The following SFXN2 variants were observed in gnomAD, a reference collection of about 807,000 sequenced individuals.
SFXN2 encodes sideroflexin 2.
In SFXN2, 37 loss-of-function variants were observed where a neutral mutation model predicts 41.9. The observed-to-expected ratio is 0.88, with a 90% confidence interval of 0.68 to 1.16. The LOEUF is 1.16. Among genes scored for constraint, SFXN2 ranks in the 50% most tolerant of loss-of-function variants. The pLI, the probability that SFXN2 is intolerant of heterozygous loss-of-function variation, is 0.00. For missense variants in SFXN2, 386 were observed against 425.2 expected (o/e 0.91, Z 0.81); for synonymous variants, 150 against 156.7 (o/e 0.96, Z 0.32).
intron 1 of SFXN2, among the ~76,000 whole-genome samples, chr10:102,717,242 C>CT (rs1437497662): frequency 6.6e-6 from 1 of 150,734 alleles, no homozygotes; most frequent in African/African-American, 2.4e-5. Flanking sequence ...AGCGATCCTC[C>CT]TTCCTCAGCT....
chr10:102,725,555 ACCATTCAC>A (rs1256927517), intron 1 of SFXN2, among the ~76,000 whole-genome samples: 4 of 152,064 alleles, frequency 2.6e-5, no homozygotes, highest in Non-Finnish European at 5.9e-5. Context: ...CCTGTCAATT[ACCATTCAC>A]TCCAGCCTGG....
In SFXN2 at chr10:102,728,531, T is replaced by C. The variant is rs201343097; in HGVS notation, c.431+2T>C. On this transcript the variant is annotated splice_donor_variant, in intron 4 of 11. Transcript: ENST00000369893. LOFTEE classifies it high-confidence loss of function. Reference sequence around the variant, plus strand: ...TGCGGCTTCCCCCACATCAGTCAGGTAGGAGACCTGAACCCCAGGCTGTCC... The same window carrying C: ...TGCGGCTTCCCCCACATCAGTCAGGCAGGAGACCTGAACCCCAGGCTGTCC... The C allele has an allele frequency of 3.9e-5, 63 of 1,613,372 alleles. No homozygotes were observed. The highest frequency in any genetic ancestry group is 5.2e-5 in the Non-Finnish European group (61 of 1,179,546).
At chr10:102,721,491 TTATA>T (rs1405322212) in intron 1 of SFXN2, among the ~76,000 whole-genome samples, 2 of 147,536 alleles carry the variant, frequency 1.4e-5, no homozygotes, top group African/African-American at 5.0e-5. Context: ...TTATTTATGT[TTATA>T]TATTATTTTT....
At chr10:102,717,803 G>A (rs2064439345) in intron 1 of SFXN2, 3 of 985,390 alleles carry the variant, frequency 3.0e-6, no homozygotes, top group Non-Finnish European at 3.6e-6. Flanking sequence ...TATTCTTCGA[G>A]GGCATGTGAA....
intron 1 of SFXN2, among the ~76,000 whole-genome samples, chr10:102,721,794 C>T (rs1284191043): frequency 6.6e-6 from 1 of 152,066 alleles, no homozygotes; most frequent in Admixed American, 6.6e-5. Context: ...GTTAGAGGAA[C>T]TCCATGTTGC....
At chr10:102,730,588 A>G (rs1038774001) in intron 6 of SFXN2, among the ~76,000 whole-genome samples, 1 of 152,156 alleles carries the variant, frequency 6.6e-6, no homozygotes, top group Non-Finnish European at 1.5e-5. Context: ...CCCTTTCCTA[A>G]CAGGAGAATG....
chr10:102,729,315 C>T lies in SFXN2; in HGVS notation c.432-4C>T. The T allele has an allele frequency of 1.9e-6, 3 of 1,614,096 alleles. No individual in the cohort carries two copies. The highest frequency in any genetic ancestry group is 1.1e-5 in the South Asian group (1 of 91,074). ...CACTCCCAAGCATCTCTCTCCTCCCCCAGGCAGATGGCCCTTTCCTACTTC... is the reference window on the plus strand; with the variant it reads ...CACTCCCAAGCATCTCTCTCCTCCCTCAGGCAGATGGCCCTTTCCTACTTC... On this transcript the variant is annotated splice_polypyrimidine_tract_variant and splice_region_variant and intron_variant, in intron 4 of 11. Transcript: ENST00000369893.
chr10:102,732,128 C>T (rs368034782), intron 7 of SFXN2, 24 bp from the exon 8 acceptor site: 1 of 1,608,352 alleles, frequency 6.2e-7, no homozygotes, highest in Non-Finnish European at 8.5e-7. Context: ...TCATTTCTGA[C>T]AACTTACTAT....
Position 102,729,376 on chromosome 10 carries a change from C to T in SFXN2, c.489C>T (p.Gly163=), listed in dbSNP as rs373344496. The part of the protein sequence containing the change: ...ATTTAVATAV[G]MNMLTKKAPP... Reference sequence around the variant, plus strand: ...CCACTGCTGTGGCCACGGCTGTGGGCATGAACATGTTGACAAAGGTATGGT... The same window carrying T: ...CCACTGCTGTGGCCACGGCTGTGGGTATGAACATGTTGACAAAGGTATGGT... Residue 163 remains glycine (G), a synonymous_variant, in exon 5 of 12, where the codon GGC becomes GGT. Coordinates refer to ENST00000369893, the MANE Select transcript of SFXN2 (RefSeq NM_178858.6). 9.3e-6 allele frequency: 15 copies of T among 1,614,112 alleles called. No individual in the cohort carries two copies. The highest frequency in any genetic ancestry group is 1.1e-5 in the Non-Finnish European group (13 of 1,180,026).
rs753294856 is a variant in SFXN2, at chr10:102,734,502, TAGAC to T, written c.821+903_821+906del. 5.3e-5 allele frequency among the ~76,000 whole-genome samples: 8 copies of T among 152,214 alleles called. No individual in the cohort carries two copies. The highest frequency in any genetic ancestry group is 8.8e-5 in the Non-Finnish European group (6 of 68,034). ...TTTTACAAATGAAGAAACTGAGACT[TAGAC>T]AGAGTAAGAAACTTGCCCAAGGGTA... On this transcript the variant is annotated intron_variant, in intron 10 of 11. Transcript: ENST00000369893. The surrounding 1 kb of genome is among the most constrained non-coding windows in gnomAD (Gnocchi z 4.1).
At chr10:102,719,126 T>C (rs2064463838) in intron 1 of SFXN2, among the ~76,000 whole-genome samples, 1 of 151,078 alleles carries the variant, frequency 6.6e-6, no homozygotes, top group South Asian at 2.1e-4. Flanking sequence ...GGTTTCACCA[T>C]GTTAGCCAGG....
intron 5 of SFXN2, 34 bp from the exon 6 acceptor site, chr10:102,729,689 C>G: frequency 1.9e-6 from 3 of 1,609,082 alleles, no homozygotes; most frequent in East Asian, 4.5e-5. Context: ...TCCAGCGCTT[C>G]TGAACAACTC....
Position 102,733,595 on chromosome 10 carries a change from C to T in SFXN2, c.813C>T (p.Ser271=), listed in dbSNP as rs556849381. Residue 271 remains serine (S), a synonymous_variant, in exon 10 of 12, where the codon AGC becomes AGT. Transcript: ENST00000369893. ...ACGCCCCATTGCAGGTCATGCTGAG[C>T]GGGTGCTTGTAAGTATCATATTTTG... ...VLHAPLQVML[S]GCFLIFMVPV... The T allele has an allele frequency of 1.5e-5, 25 of 1,613,740 alleles. No individual in the cohort carries two copies. Among genetic ancestry groups the T allele is most frequent in the South Asian group, 3.3e-5 (3 of 91,084 alleles).
intron 11 of SFXN2, among the ~76,000 whole-genome samples, chr10:102,737,288 C>T (rs1590157529): frequency 1.3e-5 from 2 of 152,244 alleles, no homozygotes; most frequent in South Asian, 4.1e-4. Context: ...GGAAGGGATA[C>T]ATCAGACTAG....
intron 4 of SFXN2, among the ~76,000 whole-genome samples, chr10:102,728,899 C>T (rs2064653817): frequency 6.6e-6 from 1 of 151,902 alleles, no homozygotes; most frequent in South Asian, 2.1e-4. Flanking sequence ...TAAGATCAGT[C>T]TCAAAACAAA....
In SFXN2 at chr10:102,737,614, T is replaced by G. The variant is rs763845151; in HGVS notation, c.870-49T>G. On this transcript the variant is annotated intron_variant, in intron 11 of 11. Transcript: ENST00000369893. ...AGGTGATATTCATCTGAGGGTAACT[T>G]ACTGCTTGTTCCTGGTGGCATGCTC... 4.0e-6 allele frequency: 5 copies of G among 1,256,282 alleles called. No individual in the cohort carries two copies. In the Admixed American group the frequency reaches 8.6e-5, roughly 22 times the overall value. 77.8% of individuals were successfully genotyped at this position (1,256,282 alleles called of 1,614,324 possible).
At chr10:102,735,960 G>A (rs761283558) in intron 11 of SFXN2, 51 bp downstream of exon 11, 19 of 1,563,276 alleles carry the variant, frequency 1.2e-5, no homozygotes, top group Admixed American at 8.3e-5. Context: ...CTGCCAGCGC[G>A]CTCCCTGATC....
intron 1 of SFXN2, 88 bp from the exon 2 acceptor site, chr10:102,726,524 C>T (rs1486513889): frequency 7.3e-7 from 1 of 1,364,522 alleles, no homozygotes; most frequent in Non-Finnish European, 1.0e-6. Context: ...CTGGTGAGAG[C>T]AGGCAGTCTG....
intron 1 of SFXN2, 66 bp from the exon 2 acceptor site, chr10:102,726,546 C>A: frequency 6.5e-7 from 1 of 1,527,838 alleles, no homozygotes; most frequent in Non-Finnish European, 8.9e-7. Flanking sequence ...AACAGTGGGA[C>A]GTGCTCAGGT....
Sources: gnomAD v4.1 joint callset for allele counts (sites outside exome capture counted in the v4.1 genomes callset) on GRCh38, gnomAD v4.1.1 for gene constraint, Gnocchi (gnomAD v3.1) non-coding constraint, MANE v1.5 for transcripts, NCBI Gene and HGNC (gene_info 2026-07-23, HGNC 2026-07-21) for gene names.